MORC2: variants seen among roughly 807,000 people sequenced by gnomAD.
MORC2 encodes ATPase MORC2.
A neutral mutation model predicts 136.0 loss-of-function variants in MORC2; 30 were observed. The ratio of observed to expected loss-of-function variants is 0.22; its 90% confidence interval spans 0.17 to 0.30. The LOEUF is 0.30. Among genes scored for constraint, MORC2 ranks in the 10% least tolerant of loss-of-function variants. MORC2 has a pLI of 1.00. For synonymous variants in MORC2, 439 were observed against 487.0 expected, an observed-to-expected ratio of 0.90 and a Z score of 1.30; for missense variants, 922 against 1,333.1, an observed-to-expected ratio of 0.69 and a Z score of 4.80.
rs755095192 is a variant in MORC2, at chr22:30,928,031, T to C, written c.3018A>G (p.Gln1006=). 3 of 1,613,352 alleles carry C rather than the reference T, an allele frequency of 1.9e-6. No individual in the cohort carries two copies. The highest frequency in any genetic ancestry group is 2.5e-6 in the Non-Finnish European group (3 of 1,180,030). The change falls in exon 25 of 26, where the codon CAA becomes CAG. Residue 1006 remains glutamine, a synonymous_variant. Transcript: ENST00000397641. The stretch of plus-strand genomic sequence containing the variant: ...CTGCCGGGCTCACCTCCTGCACCTT[T>C]TGCAGGAGTGCCACGATGTTGGTCC... ...KLRTNIVALL[Q]KVQEDIDINT... is the part of the protein sequence containing the mutation.
Position 30,934,826 on chromosome 22 carries a change from C to T in MORC2, c.2148G>A (p.Lys716=). The change falls in exon 19 of 26, where the codon AAG becomes AAA. Residue 716 remains lysine (K), a synonymous_variant. Transcript: ENST00000397641. This position sits in a 1 kb window ranked among gnomAD's most constrained non-coding sequence, Gnocchi z 4.4. The part of the protein sequence containing the change: ...PREVPSPKVI[K]TPVVKKTESP... ...ACTCTGTCTTCTTCACCACTGGAGT[C>T]TTGATGACTTTGGGAGAAGGAACCT... is the stretch of plus-strand genomic sequence containing the variant. 6.2e-7 allele frequency: 1 copy of T among 1,614,140 alleles called. No homozygotes were observed. Among genetic ancestry groups the T allele is most frequent in the East Asian group, 2.2e-5 (1 of 44,880 alleles).
intron 12 of MORC2, among the ~76,000 whole-genome samples, chr22:30,939,400 A>G (rs1386809419): frequency 6.6e-6 from 1 of 152,226 alleles, no homozygotes; most frequent in Non-Finnish European, 1.5e-5. Context: ...ACAGTGCCAA[A>G]GGATGGTTTT....
At chr22:30,943,731 G>GT (rs1171352196) in intron 6 of MORC2, among the ~76,000 whole-genome samples, 3 of 152,096 alleles carry the variant, frequency 2.0e-5, no homozygotes, top group African/African-American at 7.2e-5. Flanking sequence ...ATTTTGCTGG[G>GT]TTTTTTTATT....
rs1215234500 is a variant in MORC2, at chr22:30,934,028, G to C, written c.2325+32C>G. On this transcript the variant is annotated intron_variant, in intron 20 of 25. Transcript: ENST00000397641. The surrounding 1 kb of genome is among the most constrained non-coding windows in gnomAD (Gnocchi z 4.4). ...GTGGGGGCTGCAGGCCCTAGAGAGAGAGGCTTTGAGAACCTCACCTCAACC... is the reference window on the plus strand; with the variant it reads ...GTGGGGGCTGCAGGCCCTAGAGAGACAGGCTTTGAGAACCTCACCTCAACC... The C allele has an allele frequency of 3.7e-6, 6 of 1,613,340 alleles. No homozygotes were observed. The highest frequency in any genetic ancestry group is 3.3e-5 in the Admixed American group (2 of 59,994).
chr22:30,959,536 A>T (rs2041013408), intron 1 of MORC2, among the ~76,000 whole-genome samples: 1 of 152,240 alleles, frequency 6.6e-6, no homozygotes, highest in Admixed American at 6.5e-5. Flanking sequence ...AATGCTAACA[A>T]GTTATACATT....
intron 6 of MORC2, among the ~76,000 whole-genome samples, chr22:30,942,590 A>G (rs1303738583): frequency 6.6e-6 from 1 of 152,236 alleles, no homozygotes; most frequent in Non-Finnish European, 1.5e-5. Context: ...TAGGGAAAAT[A>G]TATTTGCAAT....
rs41279971 is a variant in MORC2, at chr22:30,932,942, C to A, written c.2469G>T (p.Arg823=). The A allele has an allele frequency of 5.0e-6, 8 of 1,614,190 alleles. No homozygotes were observed. Among genetic ancestry groups the A allele is most frequent in the Non-Finnish European group, 6.8e-6 (8 of 1,180,024 alleles). The part of the protein sequence containing the change: ...TAVEVGKHVV[R]WKVKFDYVPT... ...GCACGTAGTCAAACTTCACCTTCCA[C>A]CGCACCACATGCTTGCCCACCTCCA... Residue 823 remains arginine (R), a synonymous_variant, in exon 22 of 26, where the codon CGG becomes CGT. Transcript: ENST00000397641. The surrounding 1 kb of genome is among the most constrained non-coding windows in gnomAD (Gnocchi z 4.4).
intron 25 of MORC2, 46 bp from the exon 26 acceptor site, chr22:30,926,917 T>C (rs1370402790): frequency 6.5e-7 from 1 of 1,539,068 alleles, no homozygotes; most frequent in African/African-American, 1.4e-5. Context: ...AGAAAGTGAT[T>C]GGGGGGCTCA....
chr22:30,928,069 G>C lies in MORC2; in HGVS notation c.2980C>G (p.Leu994Val). The change falls in exon 25 of 26, where the codon CTG becomes GTG. Residue 994 changes from leucine to valine, a missense_variant. By Grantham distance (32) the Leu-to-Val change is conservative (BLOSUM62 1). This residue lies in a region of MORC2 where 263 missense variants were observed against 388.3 expected (regional missense o/e 0.68). Transcript: ENST00000397641. The part of the protein sequence containing the change: ...ERKLRETEEK[L>V]QKLRTNIVAL... ...ACGATGTTGGTCCTCAGCTTCTGCA[G>C]CTTCTCCTCCGTCTCGCGGAGCTTC... 1 of 1,614,052 alleles carries C rather than the reference G, an allele frequency of 6.2e-7. No homozygotes were observed. The highest frequency in any genetic ancestry group is 8.5e-7 in the Non-Finnish European group (1 of 1,180,030).
At chr22:30,940,139 ACC>A in intron 10 of MORC2, 98 bp from the exon 11 acceptor site, 1 of 1,218,172 alleles carries the variant, frequency 8.2e-7, no homozygotes, top group Non-Finnish European at 1.2e-6. Flanking sequence ...TGTGTACACC[ACC>A]AAGGAAAAAA....
At position 30,941,620 on chromosome 22, in the gene MORC2, A is replaced by C. The variant is rs2040743440; in HGVS notation, c.699-62T>G. ...CTCCACAACAGGCCTGACCAAGGGCACAACATCCTCTCTGCAGGCTCTCCA... is the reference window on the plus strand; with the variant it reads ...CTCCACAACAGGCCTGACCAAGGGCCCAACATCCTCTCTGCAGGCTCTCCA... On this transcript the variant is annotated intron_variant, in intron 8 of 25. Coordinates refer to ENST00000397641, the MANE Select transcript of MORC2 (RefSeq NM_001303256.3). The surrounding 1 kb of genome is among the most constrained non-coding windows in gnomAD (Gnocchi z 4.6). 2.5e-6 allele frequency: 4 copies of C among 1,578,642 alleles called. No individual in the cohort carries two copies. The highest frequency in any genetic ancestry group is 3.5e-6 in the Non-Finnish European group (4 of 1,157,464).
At chr22:30,966,842 C>T (rs2041135795) in intron 1 of MORC2, among the ~76,000 whole-genome samples, 1 of 152,198 alleles carries the variant, frequency 6.6e-6, no homozygotes, top group African/African-American at 2.4e-5. Flanking sequence ...CAGTTTGCTT[C>T]ACTACTTGGC....
chr22:30,934,900 C>A lies in MORC2; in HGVS notation c.2074G>T (p.Val692Leu). ...AGTAAAGATGGTGACAGTTGCTGCA[C>A]CAGAGGGGCAGGTCGGGATGCAGTC... Reference protein sequence around the residue: ...VKTASRPAPLVQQLSPSLLPN... With the variant: ...VKTASRPAPLLQQLSPSLLPN... The change falls in exon 19 of 26, where the codon GTG becomes TTG. Residue 692 changes from valine to leucine, a missense_variant. Physicochemically the swap from Val to Leu is conservative, Grantham distance 32 (BLOSUM62 1). Around this residue, in one of 9 missense-constraint regions of MORC2, gnomAD observed 184 missense variants for 180.3 expected, o/e 1.02. Transcript: ENST00000397641. The surrounding 1 kb of genome is among the most constrained non-coding windows in gnomAD (Gnocchi z 4.4). 3 of 1,614,098 alleles carry A rather than the reference C, an allele frequency of 1.9e-6. No homozygotes were observed. The highest frequency in any genetic ancestry group is 1.7e-6 in the Non-Finnish European group (2 of 1,180,012).
chr22:30,939,953 C>T lies in MORC2; in HGVS notation c.987+6G>A. 6.2e-7 allele frequency: 1 copy of T among 1,613,620 alleles called. No homozygotes were observed. Among genetic ancestry groups the T allele is most frequent in the Non-Finnish European group, 8.5e-7 (1 of 1,179,880 alleles). ...TGGAGAACAGCCGCCTGGGCCGGGACCTTACCCTGGAGTCCCGCGTGAGGT... is the reference window on the plus strand; with the variant it reads ...TGGAGAACAGCCGCCTGGGCCGGGATCTTACCCTGGAGTCCCGCGTGAGGT... On this transcript the variant is annotated splice_donor_region_variant and intron_variant, in intron 11 of 25. Transcript: ENST00000397641.
At chr22:30,938,814 C>T (rs1442536979) in intron 12 of MORC2, among the ~76,000 whole-genome samples, 2 of 152,174 alleles carry the variant, frequency 1.3e-5, no homozygotes, top group Non-Finnish European at 2.9e-5. Context: ...CGTGATCCAC[C>T]CACCTCAGCC....
Position 30,934,876 on chromosome 22 carries a change from G to A in MORC2, c.2098C>T (p.Leu700=). 6.2e-7 allele frequency: 1 copy of A among 1,614,212 alleles called. No individual in the cohort carries two copies. The highest frequency in any genetic ancestry group is 8.5e-7 in the Non-Finnish European group (1 of 1,180,046). The change falls in exon 19 of 26, where the codon CTG becomes TTG. Residue 700 remains leucine, a synonymous_variant. Transcript: ENST00000397641. The surrounding 1 kb of genome is among the most constrained non-coding windows in gnomAD (Gnocchi z 4.4). ...PLVQQLSPSL[L]PNSKSPREVP... ...TCCCGAGGGCTCTTGGAGTTGGGCA[G>A]TAAAGATGGTGACAGTTGCTGCACC...
intron 3 of MORC2, among the ~76,000 whole-genome samples, chr22:30,953,877 A>G (rs2040927522): frequency 6.6e-6 from 1 of 152,188 alleles, no homozygotes; most frequent in South Asian, 2.1e-4. Flanking sequence ...TGGTCTTTAA[A>G]TGTGACTTTG....
In MORC2 at chr22:30,936,917, A is replaced by T; in HGVS notation, c.1604+15T>A. 6.2e-7 allele frequency: 1 copy of T among 1,605,792 alleles called. No homozygotes were observed. The highest frequency in any genetic ancestry group is 8.5e-7 in the Non-Finnish European group (1 of 1,172,604). On this transcript the variant is annotated intron_variant, in intron 16 of 25. Transcript: ENST00000397641. The stretch of plus-strand genomic sequence containing the variant: ...GAAAAGTACCCACAATCCCCTTGTT[A>T]GACAATGTGCTCACCGGTCCTGTTC...
At chr22:30,962,594 CAAA>C (rs11317522) in intron 1 of MORC2, among the ~76,000 whole-genome samples, 12 of 117,296 alleles carry the variant, frequency 1.0e-4, no homozygotes, top group Admixed American at 2.8e-4. Context: ...GACCCTGTCT[CAAA>C]AAAAAAAAAA....
Sources: gnomAD v4.1 joint callset for allele counts (sites outside exome capture counted in the v4.1 genomes callset) on GRCh38, gnomAD v4.1.1 for gene constraint, gnomAD v4.1.1 regional missense constraint, Gnocchi (gnomAD v3.1) non-coding constraint, MANE v1.5 for transcripts, NCBI Gene and HGNC (gene_info 2026-07-23, HGNC 2026-07-21) for gene names.